Variants in FLNC observed in about 807,000 individuals in gnomAD.
FLNC encodes filamin-C.
Under a neutral mutation model 254.3 loss-of-function variants are expected in FLNC, and 91 were observed. That is an observed-to-expected ratio of 0.36 (90% CI 0.30 to 0.43). The LOEUF (loss-of-function observed/expected upper bound fraction) is 0.43, where lower values mean the gene tolerates loss of function less well. Among genes scored for constraint, FLNC ranks in the 20% least tolerant of loss-of-function variants. The pLI is 1.00. For synonymous variants in FLNC, 1,430 were observed against 1,577.2 expected, an observed-to-expected ratio of 0.91 and a Z score of 2.21; for missense variants, 2,853 against 3,802.6, an observed-to-expected ratio of 0.75 and a Z score of 6.57.
At chr7:128,853,945 C>T in intron 39 of FLNC, 29 bp from the exon 40 acceptor site, 1 of 1,613,344 alleles carries the variant, frequency 6.2e-7, no homozygotes, top group Middle Eastern at 1.6e-4. Flanking sequence ...TCGCTTCCCT[C>T]CCTCACCCTG....
Position 128,856,411 on chromosome 7 carries a change from C to T in FLNC, c.7252-107C>T. 6.9e-7 allele frequency: 1 copy of T among 1,449,940 alleles called. No homozygotes were observed. Among genetic ancestry groups the T allele is most frequent in the South Asian group, 1.2e-5 (1 of 86,630 alleles). The allele number at this position is 1,449,940 out of a possible 1,614,324, so 89.8% of individuals were successfully genotyped here. A position where few individuals can be genotyped will look rare whatever the true frequency, so the allele number is the denominator to read the frequency against. On this transcript the variant is annotated intron_variant, in intron 43 of 47. Coordinates refer to ENST00000325888, the MANE Select transcript of FLNC (RefSeq NM_001458.5). This position sits in a 1 kb window ranked among gnomAD's most constrained non-coding sequence, Gnocchi z 5.9. Reference sequence around the variant, plus strand: ...AGGGGCCAGGCTGGGCATGGGGTGGCAGCAGCCTTTGGGCTGGGCTTACAG... The same window carrying T: ...AGGGGCCAGGCTGGGCATGGGGTGGTAGCAGCCTTTGGGCTGGGCTTACAG...
intron 1 of FLNC, among the ~76,000 whole-genome samples, chr7:128,834,647 A>G (rs1808026689): frequency 6.6e-6 from 1 of 152,180 alleles, no homozygotes. Flanking sequence ...TTGTAGAAAG[A>G]TAAAACCTAG....
Position 128,838,650 on chromosome 7 carries a change from C to T in FLNC, c.1258C>T (p.Arg420Trp), listed in dbSNP as rs766755439. ...TGTGGTGATCGTGGACCCACAGGGC[C>T]GGCGGGACACAGTGGAGGTGGCCCT... is the stretch of plus-strand genomic sequence containing the variant. The part of the protein sequence containing the change: ...VAVVIVDPQG[R>W]RDTVEVALED... The change falls in exon 8 of 48, where the codon CGG (arginine) becomes TGG (tryptophan). Residue 420 changes from arginine to tryptophan, a missense_variant. Arg to Trp is a moderately radical substitution (Grantham distance 101). Coordinates refer to ENST00000325888, the MANE Select transcript of FLNC (RefSeq NM_001458.5). 19 of 1,612,926 alleles carry T rather than the reference C, an allele frequency of 1.2e-5. No individual in the cohort carries two copies. The highest frequency in any genetic ancestry group is 6.7e-5 in the East Asian group (3 of 44,898).
At chr7:128,848,455 C>A in intron 26 of FLNC, 106 bp from the exon 27 acceptor site, 2 of 1,219,160 alleles carry the variant, frequency 1.6e-6, no homozygotes, top group Non-Finnish European at 2.4e-6. Context: ...CCACAGTCCT[C>A]CCTCCTGCCC....
rs768548444 is a variant in FLNC, at chr7:128,853,061, C to T, written c.6208+30C>T. ...CTCCTGCCCCAGAGAGCCCCCATTC[C>T]AGCGGGTGCCTCCCACAGGCACTTG... On this transcript the variant is annotated intron_variant, in intron 37 of 47. Coordinates refer to ENST00000325888, the MANE Select transcript of FLNC (RefSeq NM_001458.5). 18 of 1,600,882 alleles carry T rather than the reference C, an allele frequency of 1.1e-5. No individual in the cohort carries two copies. The African/African-American group carries it at 1.9e-4, about 17-fold the overall frequency.
chr7:128,832,235 G>A (rs1359370771), intron 1 of FLNC, among the ~76,000 whole-genome samples: 3 of 150,952 alleles, frequency 2.0e-5, no homozygotes, highest in Admixed American at 6.6e-5. Context: ...CACCCCACCC[G>A]CCTGCCCTGT....
chr7:128,835,819 G>A lies in FLNC; in HGVS notation c.601+245G>A, dbSNP rs1401013562. Among the ~76,000 whole-genome samples, 4 of 152,156 alleles carry A rather than the reference G, an allele frequency of 2.6e-5. No individual in the cohort carries two copies. The highest frequency in any genetic ancestry group is 6.5e-5 in the Admixed American group (1 of 15,288). ...TAAAACCCCTCATTTTACAGACAAG[G>A]ACACTATGGCCCAGAGAGGGCTGGT... is the stretch of plus-strand genomic sequence containing the variant. On this transcript the variant is annotated intron_variant, in intron 2 of 47. Transcript: ENST00000325888. This position sits in a 1 kb window ranked among gnomAD's most constrained non-coding sequence, Gnocchi z 5.3.
Position 128,850,088 on chromosome 7 carries a change from C to A in FLNC, c.5298+14C>A. 1 of 1,514,990 alleles carries A rather than the reference C, an allele frequency of 6.6e-7. No individual in the cohort carries two copies. Among genetic ancestry groups the A allele is most frequent in the Non-Finnish European group, 8.9e-7 (1 of 1,125,712 alleles). 93.8% of individuals were successfully genotyped at this position (1,514,990 alleles called of 1,614,324 possible). ...CCCACACACTGGGTACTGCGCCTCC[C>A]ACCAGGCGATGTCCTCCTCCTCCTC... On this transcript the variant is annotated intron_variant, in intron 31 of 47. Coordinates refer to ENST00000325888, the MANE Select transcript of FLNC (RefSeq NM_001458.5).
In FLNC at chr7:128,830,819, A is replaced by C. The variant is rs1370767812; in HGVS notation, c.182A>C (p.Gln61Pro). 1 of 1,613,126 alleles carries C rather than the reference A, an allele frequency of 6.2e-7. No individual in the cohort carries two copies. The stretch of plus-strand genomic sequence containing the variant: ...GTGGGCAAGCGCCTGACCGACCTGC[A>C]GCGCGACCTCAGCGACGGGCTCCGG... ...KCVGKRLTDL[Q>P]RDLSDGLRLI... Residue 61 changes from glutamine (Q) to proline (P), a missense_variant, in exon 1 of 48, where the codon CAG (glutamine) becomes CCG (proline). Gln to Pro is a moderately conservative substitution (Grantham distance 76, BLOSUM62 -1). Transcript: ENST00000325888.
In FLNC at chr7:128,856,659, G is replaced by A. The variant is rs965373616; in HGVS notation, c.7384+9G>A. On this transcript the variant is annotated intron_variant, in intron 44 of 47. Coordinates refer to ENST00000325888, the MANE Select transcript of FLNC (RefSeq NM_001458.5). The surrounding 1 kb of genome is among the most constrained non-coding windows in gnomAD (Gnocchi z 5.9). ...CTCTGAGCTGGACAGTGGTGAGCTGGCCCTGCCCCTGCCAACTCCCTTCCG... is the reference window on the plus strand; with the variant it reads ...CTCTGAGCTGGACAGTGGTGAGCTGACCCTGCCCCTGCCAACTCCCTTCCG... 1.2e-6 allele frequency: 2 copies of A among 1,613,298 alleles called. No homozygotes were observed. The highest frequency in any genetic ancestry group is 1.3e-5 in the African/African-American group (1 of 75,062).
At position 128,857,139 on chromosome 7, in the gene FLNC, T is replaced by C. The variant is rs1450620563; in HGVS notation, c.7583T>C (p.Val2528Ala). 6.2e-7 allele frequency: 1 copy of C among 1,614,032 alleles called. No individual in the cohort carries two copies. The highest frequency in any genetic ancestry group is 1.7e-5 in the Admixed American group (1 of 60,010). ...GTTGVSSEFI[V>A]NTLNAGSGAL... ...CCAGGTGTGTCATCAGAGTTCATCGTGAACACCCTGAATGCCGGCTCGGGG... is the reference window on the plus strand; with the variant it reads ...CCAGGTGTGTCATCAGAGTTCATCGCGAACACCCTGAATGCCGGCTCGGGG... The change falls in exon 46 of 48, where the codon GTG (valine) becomes GCG (alanine). Residue 2528 changes from valine to alanine, a missense_variant. Val to Ala is a moderately conservative substitution (Grantham distance 64). Coordinates refer to ENST00000325888, the MANE Select transcript of FLNC (RefSeq NM_001458.5). The surrounding 1 kb of genome is among the most constrained non-coding windows in gnomAD (Gnocchi z 4.5).
chr7:128,844,359 G>A, intron 20 of FLNC, 93 bp downstream of exon 20: 2 of 1,432,804 alleles, frequency 1.4e-6, no homozygotes, highest in Non-Finnish European at 1.9e-6. Flanking sequence ...GGACTTATGT[G>A]CCTGGAGTGG....
chr7:128,842,214 T>C lies in FLNC; in HGVS notation c.2122-17T>C, dbSNP rs144828462. 7,920 of 1,613,312 alleles carry C rather than the reference T, an allele frequency of 4.9e-3. 179 individuals carry two copies. The South Asian group carries it at 0.05, about 10-fold the overall frequency. The stretch of plus-strand genomic sequence containing the variant: ...CAGAGGCCACAGCTATGAACTTTGC[T>C]TGGGTGATGCCCACAGGACGCCGAC... On this transcript the variant is annotated splice_polypyrimidine_tract_variant and intron_variant, in intron 13 of 47. Transcript: ENST00000325888. The surrounding 1 kb of genome is among the most constrained non-coding windows in gnomAD (Gnocchi z 5.4).
At chr7:128,846,651 G>A in intron 23 of FLNC, 94 bp from the exon 24 acceptor site, 1 of 1,412,476 alleles carries the variant, frequency 7.1e-7, no homozygotes, top group Non-Finnish European at 9.7e-7. Flanking sequence ...GTCCCCAGCG[G>A]CCTGCCCTCT....
rs530083612 is a variant in FLNC at position 128,852,518 on chromosome 7, A to G, written c.5843-73A>G. Reference sequence around the variant, plus strand: ...TTGAGTCCAGGGGGGGCTGCTCAGGAGGGTTCCTGAGCCCTGTGAGGGCAG... The same window carrying G: ...TTGAGTCCAGGGGGGGCTGCTCAGGGGGGTTCCTGAGCCCTGTGAGGGCAG... On this transcript the variant is annotated intron_variant, in intron 35 of 47. Coordinates refer to ENST00000325888, the MANE Select transcript of FLNC (RefSeq NM_001458.5). The G allele has an allele frequency of 1.0e-4, 159 of 1,568,308 alleles. 4 individuals are homozygous for G. In the South Asian group the frequency reaches 1.6e-3, roughly 16 times the overall value.
Position 128,830,848 on chromosome 7 carries a change from A to C in FLNC, c.211A>C (p.Ile71Leu), listed in dbSNP as rs1250893880. Reference sequence around the variant, plus strand: ...CGACCTCAGCGACGGGCTCCGGCTCATCGCGCTGCTCGAGGTGCTCAGCCA... The same window carrying C: ...CGACCTCAGCGACGGGCTCCGGCTCCTCGCGCTGCTCGAGGTGCTCAGCCA... ...QRDLSDGLRL[I>L]ALLEVLSQKR... The change falls in exon 1 of 48, where the codon ATC becomes CTC. Residue 71 changes from isoleucine (I) to leucine (L), a missense_variant. This residue lies in a region of FLNC where 59 missense variants were observed against 59.8 expected (regional missense o/e 0.99). Transcript: ENST00000325888. 6.2e-7 allele frequency: 1 copy of C among 1,613,090 alleles called. No individual in the cohort carries two copies. Among genetic ancestry groups the C allele is most frequent in the South Asian group, 1.1e-5 (1 of 91,070 alleles).
chr7:128,854,303 C>G (rs547980894), intron 40 of FLNC, 87 bp downstream of exon 40: 8 of 1,603,496 alleles, frequency 5.0e-6, no homozygotes, highest in South Asian at 1.1e-5. Context: ...AGACTGGCCC[C>G]GAAGGCCAGG....
At position 128,834,321 on chromosome 7, in the gene FLNC, C is replaced by G. The variant is rs539546088; in HGVS notation, c.353-1005C>G. ...AAGGGGGATCTAGGCGCCCCCCCCCCCCAAATCTTGAGGAACCAGTTCTGG... is the reference window on the plus strand; with the variant it reads ...AAGGGGGATCTAGGCGCCCCCCCCCGCCAAATCTTGAGGAACCAGTTCTGG... On this transcript the variant is annotated intron_variant, in intron 1 of 47. Coordinates refer to ENST00000325888, the MANE Select transcript of FLNC (RefSeq NM_001458.5). 2.5e-4 allele frequency among the ~76,000 whole-genome samples: 36 copies of G among 146,910 alleles called. 1 individual carries two copies. Among genetic ancestry groups the G allele is most frequent in the South Asian group, 2.1e-3 (9 of 4,282 alleles).
chr7:128,847,991 C>A lies in FLNC; in HGVS notation c.4503C>A (p.His1501Gln). The A allele has an allele frequency of 6.2e-7, 1 of 1,610,358 alleles. No individual in the cohort carries two copies. Among genetic ancestry groups the A allele is most frequent in the Non-Finnish European group, 8.5e-7 (1 of 1,178,380 alleles). Residue 1501 changes from histidine (H) to glutamine (Q), a missense_variant, in exon 26 of 48, where the codon CAC (histidine) becomes CAA (glutamine). Coordinates refer to ENST00000325888, the MANE Select transcript of FLNC (RefSeq NM_001458.5). ...TGCGGGACAATGGAGATGGCACCCACACTGTCCACTACACCCCAGCCACTG... is the reference window on the plus strand; with the variant it reads ...TGCGGGACAATGGAGATGGCACCCAAACTGTCCACTACACCCCAGCCACTG... The part of the protein sequence containing the change: ...VEVRDNGDGT[H>Q]TVHYTPATDG...
Sources: gnomAD v4.1 joint callset for allele counts (sites outside exome capture counted in the v4.1 genomes callset) on GRCh38, gnomAD v4.1.1 for gene constraint, gnomAD v4.1.1 regional missense constraint, Gnocchi (gnomAD v3.1) non-coding constraint, MANE v1.5 for transcripts, NCBI Gene and HGNC (gene_info 2026-07-23, HGNC 2026-07-21) for gene names.